The following EPN2 variants were observed in gnomAD, a reference collection of about 807,000 sequenced individuals.
EPN2 encodes the protein epsin-2.
EPN2 carries 34 observed loss-of-function variants against 61.7 expected under a neutral mutation model. That is an observed-to-expected ratio of 0.55 (90% CI 0.42 to 0.73). The LOEUF (loss-of-function observed/expected upper bound fraction) is 0.73, where lower values mean the gene tolerates loss of function less well. Among genes scored for constraint, EPN2 ranks in the 30% least tolerant of loss-of-function variants. The pLI is 0.00. For missense variants in EPN2, 714 were observed against 839.2 expected, an observed-to-expected ratio of 0.85 and a Z score of 1.84; for synonymous variants, 349 against 353.6, an observed-to-expected ratio of 0.99 and a Z score of 0.15.
At chr17:19,264,766 T>C (rs945054432) in intron 1 of EPN2, among the ~76,000 whole-genome samples, 1 of 152,004 alleles carries the variant, frequency 6.6e-6, no homozygotes, top group African/African-American at 2.4e-5. Context: ...CTCGGTGCCC[T>C]GTAGAGTCAT....
At chr17:19,327,587 C>T (rs770325104) in intron 7 of EPN2, among the ~76,000 whole-genome samples, 3 of 151,910 alleles carry the variant, frequency 2.0e-5, no homozygotes, top group Non-Finnish European at 2.9e-5. Flanking sequence ...GTGGGAGGAT[C>T]GCTTGAGCAT....
rs556916893 is a variant in EPN2 at position 19,243,425 on chromosome 17, C to T, written c.-294+5894C>T. ...TTTTTTTTTTTTTGAGACGGAGTCT[C>T]GCTGTCTCCCAGCCTGGAGTGCAGC... On this transcript the variant is annotated intron_variant, in intron 1 of 10. Transcript: ENST00000314728. Among the ~76,000 whole-genome samples the T allele has an allele frequency of 1.0e-4, 12 of 117,544 alleles. No homozygotes were observed. In the South Asian group the frequency reaches 2.6e-3, roughly 25 times the overall value. The allele number at this position is 117,544 out of a possible 152,430, so 77.1% of individuals were successfully genotyped here. A position where few individuals can be genotyped will look rare whatever the true frequency, so the allele number is the denominator to read the frequency against.
chr17:19,318,542 T>C (rs1906491674), intron 7 of EPN2, among the ~76,000 whole-genome samples: 5 of 7,210 alleles, frequency 6.9e-4, no homozygotes, highest in Non-Finnish European at 4.0e-3. Flanking sequence ...AGAGCGAGAC[T>C]CCATCTCAAA....
rs1555600084 is a variant in EPN2 at position 19,290,720 on chromosome 17, A to AAAAAAAAAG, written c.766+4935_766+4936insAAAGAAAAA. ...GTTCTCAAAAAAAAAAAAAAAGAAA[A>AAAAAAAAAG]AAAAAGAAAAAGGAAGGCAGGCAGA... On this transcript the variant is annotated intron_variant, in intron 4 of 10. Transcript: ENST00000314728. Among the ~76,000 whole-genome samples the AAAAAAAAAG allele has an allele frequency of 1.9e-5, 2 of 105,576 alleles. 1 individual carries two copies. The highest frequency in any genetic ancestry group is 3.9e-5 in the Non-Finnish European group (2 of 51,558). 69.3% of individuals were successfully genotyped at this position (105,576 alleles called of 152,430 possible). A position where few individuals can be genotyped will look rare whatever the true frequency, so the allele number is the denominator to read the frequency against.
intron 1 of EPN2, among the ~76,000 whole-genome samples, chr17:19,262,872 C>T (rs1405947834): frequency 1.3e-5 from 2 of 152,226 alleles, no homozygotes; most frequent in Non-Finnish European, 2.9e-5. Flanking sequence ...TTCTTACATT[C>T]AGTGTAATGT....
intron 1 of EPN2, among the ~76,000 whole-genome samples, chr17:19,267,150 A>G (rs1412795033): frequency 2.6e-5 from 4 of 151,886 alleles, no homozygotes; most frequent in African/African-American, 9.7e-5. Context: ...AAATGTTCAC[A>G]TATTATTTCA....
At chr17:19,244,699 C>T (rs533721466) in intron 1 of EPN2, among the ~76,000 whole-genome samples, 3 of 151,898 alleles carry the variant, frequency 2.0e-5, no homozygotes, top group African/African-American at 4.8e-5. Flanking sequence ...GTGTGAGCCC[C>T]GATGGTTTTT....
In EPN2 at chr17:19,264,479, C is replaced by G. The variant is rs75961305; in HGVS notation, c.-293-17476C>G. Among the ~76,000 whole-genome samples, 982 of 152,256 alleles carry G rather than the reference C, an allele frequency of 6.4e-3. 50 individuals carry two copies. The East Asian group carries it at 0.12, about 18-fold the overall frequency. On this transcript the variant is annotated intron_variant, in intron 1 of 10. Transcript: ENST00000314728. ...AAGTGCAGCCTTATTTCCTACAGCT[C>G]TCTCATGTTCCTTATCTTGCTGATT...
chr17:19,316,896 G>T (rs1280315554), intron 7 of EPN2, among the ~76,000 whole-genome samples: 1 of 152,204 alleles, frequency 6.6e-6, no homozygotes, highest in East Asian at 1.9e-4. Context: ...GACCAGCTCT[G>T]CAGGAGAATG....
intron 1 of EPN2, among the ~76,000 whole-genome samples, chr17:19,271,382 G>A (rs1002097427): frequency 6.6e-6 from 1 of 152,204 alleles, no homozygotes; most frequent in African/African-American, 2.4e-5. Context: ...CAAGGCAGGA[G>A]CCACTTCCGG....
chr17:19,253,076 C>T (rs2045032080), intron 1 of EPN2, among the ~76,000 whole-genome samples: 1 of 152,138 alleles, frequency 6.6e-6, no homozygotes, highest in Non-Finnish European at 1.5e-5. Context: ...TATCTAGTTT[C>T]AGAACTTTTT....
At chr17:19,311,280 G>A (rs377765695) in intron 5 of EPN2, among the ~76,000 whole-genome samples, 1 of 152,082 alleles carries the variant, frequency 6.6e-6, no homozygotes, top group Admixed American at 6.6e-5. Flanking sequence ...AAGAAGGTGC[G>A]TGGTAGCATC....
chr17:19,285,506 A>C lies in EPN2; in HGVS notation c.596-114A>C. On this transcript the variant is annotated intron_variant, in intron 3 of 10. Transcript: ENST00000314728. This position sits in a 1 kb window ranked among gnomAD's most constrained non-coding sequence, Gnocchi z 4.5. ...GTGGGCTTTTCACAGCTTCCACCGC[A>C]GTGGGCTGCGGGGTTGACCCCGAGT... 7.4e-7 allele frequency: 1 copy of C among 1,344,480 alleles called. No individual in the cohort carries two copies. The highest frequency in any genetic ancestry group is 1.9e-5 in the South Asian group (1 of 53,554). The allele number at this position is 1,344,480 out of a possible 1,614,324, so 83.3% of individuals were successfully genotyped here.
intron 7 of EPN2, among the ~76,000 whole-genome samples, chr17:19,319,112 C>T (rs1207977082): frequency 1.3e-5 from 2 of 151,554 alleles, no homozygotes; most frequent in Non-Finnish European, 1.5e-5. Flanking sequence ...GCATGAGAAT[C>T]GCTTGAACCC....
chr17:19,314,570 T>C, intron 7 of EPN2, among the ~76,000 whole-genome samples: 1 of 152,212 alleles, frequency 6.6e-6, no homozygotes, highest in East Asian at 1.9e-4. Context: ...CAGAAGACAC[T>C]GTCAGCCCCC....
chr17:19,311,295 G>T (rs1906123474), intron 5 of EPN2, among the ~76,000 whole-genome samples: 1 of 152,114 alleles, frequency 6.6e-6, no homozygotes, highest in Admixed American at 6.6e-5. Flanking sequence ...AGCATCCACT[G>T]AGAAACATAG....
intron 5 of EPN2, among the ~76,000 whole-genome samples, chr17:19,311,503 A>C (rs889886333): frequency 6.6e-6 from 1 of 151,814 alleles, no homozygotes; most frequent in Non-Finnish European, 1.5e-5. Context: ...ATTTATATTT[A>C]ATTATTATAT....
Position 19,313,109 on chromosome 17 carries a change from GCT to G in EPN2, c.983_984del (p.Leu328ProfsTer33). ...CCCTTCTCTTTGTCTTAAAAGCATGGCTCTCTCCCACAGCAGACTACGCTGTT... is the reference window on the plus strand; with the variant it reads ...CCCTTCTCTTTGTCTTAAAAGCATGGCTCTCCCACAGCAGACTACGCTGTT... On this transcript the variant is annotated frameshift_variant, in exon 7 of 11. Transcript: ENST00000314728. LOFTEE classifies it high-confidence loss of function. 6.2e-7 allele frequency: 1 copy of G among 1,613,166 alleles called. No homozygotes were observed. The highest frequency in any genetic ancestry group is 8.5e-7 in the Non-Finnish European group (1 of 1,179,554).
intron 1 of EPN2, among the ~76,000 whole-genome samples, chr17:19,242,391 C>G (rs1347211282): frequency 2.0e-5 from 3 of 152,098 alleles, no homozygotes; most frequent in African/African-American, 7.2e-5. Flanking sequence ...CAGTGAGTCT[C>G]CAGCCTGGGT....
Sources: allele counts gnomAD v4.1 joint callset (sites outside exome capture counted in the v4.1 genomes callset), GRCh38; gene constraint gnomAD v4.1.1; non-coding constraint Gnocchi (gnomAD v3.1); transcripts MANE v1.5; gene names NCBI Gene and HGNC (gene_info 2026-07-23, HGNC 2026-07-21).